The following FAM47E variants were observed in gnomAD, a reference collection of about 807,000 sequenced individuals.
FAM47E encodes the protein protein FAM47E.
FAM47E carries 32 observed loss-of-function variants against 41.6 expected under a neutral mutation model. That is an observed-to-expected ratio of 0.77 (90% CI 0.58 to 1.03). FAM47E has a LOEUF of 1.03. Ranked by LOEUF, FAM47E falls within the 50% of genes least tolerant of loss-of-function variation. FAM47E has a pLI of 0.00. For missense variants in FAM47E, 424 were observed against 485.4 expected, an observed-to-expected ratio of 0.87 and a Z score of 1.19; for synonymous variants, 184 against 188.7, an observed-to-expected ratio of 0.98 and a Z score of 0.20.
At chr4:76,247,933 G>C (rs866520419), upstream of FAM47E, among the ~76,000 whole-genome samples, 1 of 11,516 alleles carries the variant, frequency 8.7e-5, no homozygotes, top group Non-Finnish European at 2.6e-4. Flanking sequence ...TTTTTTTTTT[G>C]AGACAGAGTC....
At position 76,268,658 on chromosome 4, in the gene FAM47E, A is replaced by C. The variant is rs1560748829; in HGVS notation, c.561-2A>C. 6.5e-7 allele frequency: 1 copy of C among 1,549,594 alleles called. No individual in the cohort carries two copies. Among genetic ancestry groups the C allele is most frequent in the Non-Finnish European group, 8.7e-7 (1 of 1,146,490 alleles). ...GTAATTCTTTAATGATCTTATCTTT[A>C]GTTCCAAGAAGACGTCTGTGTCAAA... is the stretch of plus-strand genomic sequence containing the variant. On this transcript the variant is annotated splice_acceptor_variant, in intron 3 of 7. Coordinates refer to ENST00000424749, the MANE Select transcript of FAM47E (RefSeq NM_001136570.3). LOFTEE classifies it high-confidence loss of function.
chr4:76,256,726 C>T (rs1734210637), intron 2 of FAM47E, among the ~76,000 whole-genome samples: 1 of 152,220 alleles, frequency 6.6e-6, no homozygotes, highest in African/African-American at 2.4e-5. Flanking sequence ...GCAACATGCA[C>T]ACTGCTCTCT....
chr4:76,268,544 G>T (rs1488989532), intron 3 of FAM47E, 116 bp from the exon 4 acceptor site: 15 of 1,041,626 alleles, frequency 1.4e-5, no homozygotes, highest in Non-Finnish European at 2.1e-5. Flanking sequence ...ATGTGAGCTT[G>T]CAAGAGACTG....
intron 2 of FAM47E, among the ~76,000 whole-genome samples, chr4:76,219,613 G>A (rs1733272643): frequency 6.6e-6 from 1 of 152,150 alleles, no homozygotes; most frequent in African/African-American, 2.4e-5. Flanking sequence ...ATCTCTTTCT[G>A]AGGGGAGAAA....
rs763034618 is a variant in FAM47E, at chr4:76,263,866, C to T, written c.560+23C>T. 40 of 1,547,746 alleles carry T rather than the reference C, an allele frequency of 2.6e-5. 1 individual carries two copies. The highest frequency in any genetic ancestry group is 3.3e-4 in the Middle Eastern group (2 of 5,984). ...ACCGTGAGTATTGTTCTTAACCCTT[C>T]GATCATTGCTGTCACCTGATGAAAC... On this transcript the variant is annotated intron_variant, in intron 3 of 7. Transcript: ENST00000424749.
intron 2 of FAM47E, among the ~76,000 whole-genome samples, chr4:76,218,473 G>C (rs1296650807): frequency 6.6e-6 from 1 of 152,220 alleles, no homozygotes; most frequent in African/African-American, 2.4e-5. Context: ...GGGACTCTCT[G>C]TGAAGTTACC....
chr4:76,230,705 C>T (rs867499428), intron 2 of FAM47E, among the ~76,000 whole-genome samples: 3 of 152,088 alleles, frequency 2.0e-5, no homozygotes, highest in East Asian at 1.9e-4. Context: ...CGAGTCCAGG[C>T]GACCTTGGCA....
rs1285598950 is a variant in FAM47E at position 76,283,684 on chromosome 4, A to C, written c.*226A>C. ...TGTATACTTTATCACCCATGAGATCAATATTCACATGTAATCTTCTCATAT... is the reference window on the plus strand; with the variant it reads ...TGTATACTTTATCACCCATGAGATCCATATTCACATGTAATCTTCTCATAT... On this transcript the variant is annotated 3_prime_UTR_variant, in exon 8 of 8. Transcript: ENST00000424749. 1 of 414,162 alleles carries C rather than the reference A, an allele frequency of 2.4e-6. No homozygotes were observed. The highest frequency in any genetic ancestry group is 3.8e-5 in the East Asian group (1 of 26,086). The allele number at this position is 414,162 out of a possible 1,614,324, so 25.7% of individuals were successfully genotyped here. A position where few individuals can be genotyped will look rare whatever the true frequency, so the allele number is the denominator to read the frequency against.
chr4:76,249,679 A>G (rs181605794), upstream of FAM47E, among the ~76,000 whole-genome samples: 132 of 151,996 alleles, frequency 8.7e-4, no homozygotes, highest in African/African-American at 3.1e-3. Context: ...GTAGTCTTTT[A>G]TCTCTTGTCC....
intron 2 of FAM47E, among the ~76,000 whole-genome samples, chr4:76,231,258 A>T (rs1253990335): frequency 1.3e-5 from 2 of 152,180 alleles, no homozygotes; most frequent in Non-Finnish European, 2.9e-5. Flanking sequence ...TGTCCAAGTG[A>T]TGGGCATCCT....
upstream of FAM47E, chr4:76,251,684 G>A (rs377583296): frequency 7.2e-7 from 1 of 1,394,952 alleles, no homozygotes. Context: ...TCCTAGCAAC[G>A]GGGCGGCAGC....
At chr4:76,276,423 A>G (rs2110025473) in intron 5 of FAM47E, among the ~76,000 whole-genome samples, 1 of 151,554 alleles carries the variant, frequency 6.6e-6, no homozygotes, top group South Asian at 2.1e-4. Context: ...CCCAGGCTGG[A>G]GTGCAGTGGC....
At chr4:76,280,381 T>C in intron 7 of FAM47E, 40 bp downstream of exon 7, 1 of 1,181,150 alleles carries the variant, frequency 8.5e-7, no homozygotes. Flanking sequence ...GCTGAGGGGC[T>C]TCATGGCTCA....
At chr4:76,243,049 T>C (rs1733743803) in intron 2 of FAM47E, among the ~76,000 whole-genome samples, 1 of 152,206 alleles carries the variant, frequency 6.6e-6, no homozygotes, top group African/African-American at 2.4e-5. Context: ...GCATTAGTAA[T>C]GTACCCCAGA....
In FAM47E at chr4:76,251,769, T is replaced by G. The variant is rs1578770735; in HGVS notation, c.23T>G (p.Leu8Arg). MADRRRRLRPGTLAPVRE... is the reference protein window; with the variant it reads MADRRRRRRPGTLAPVRE... ...ACCATGGCGGACCGCAGGCGGCGGC[T>G]CCGGCCGGGGACGTTGGCCCCGGTG... is the stretch of plus-strand genomic sequence containing the variant. The change falls in exon 1 of 8, where the codon CTC (leucine) becomes CGC (arginine). Residue 8 changes from leucine to arginine, a missense_variant. Transcript: ENST00000424749. The G allele has an allele frequency of 1.3e-6, 2 of 1,487,920 alleles. No individual in the cohort carries two copies. The highest frequency in any genetic ancestry group is 5.6e-5 in the East Asian group (2 of 35,636). The allele number at this position is 1,487,920 out of a possible 1,614,324, so 92.2% of individuals were successfully genotyped here. A position where few individuals can be genotyped will look rare whatever the true frequency, so the allele number is the denominator to read the frequency against.
rs1312775956 is a variant in FAM47E, at chr4:76,214,257, C to T, written c.-197C>T. 8.8e-6 allele frequency: 4 copies of T among 455,572 alleles called. No homozygotes were observed. The Admixed American group carries it at 9.4e-5, about 11-fold the overall frequency. The allele number at this position is 455,572 out of a possible 1,614,324, so 28.2% of individuals were successfully genotyped here. ...AACACAATGTAGCAAGTGCTTCTAC[C>T]AGGTGCCTGCTGAGATCATGCCAGC... On this transcript the variant is annotated 5_prime_UTR_variant, in exon 1 of 8. Transcript: ENST00000510197.
At chr4:76,221,943 C>T (rs1733316515) in intron 2 of FAM47E, among the ~76,000 whole-genome samples, 1 of 152,214 alleles carries the variant, frequency 6.6e-6, no homozygotes, top group South Asian at 2.1e-4. Context: ...ATTCCTTAAT[C>T]TATGCCACAT....
chr4:76,229,270 G>A (rs978445223), intron 2 of FAM47E, among the ~76,000 whole-genome samples: 7 of 152,026 alleles, frequency 4.6e-5, no homozygotes, highest in African/African-American at 9.6e-5. Flanking sequence ...ATTTCTTTAC[G>A]TTGGTTTTCA....
At chr4:76,221,923 A>G (rs1483683002) in intron 2 of FAM47E, among the ~76,000 whole-genome samples, 1 of 152,210 alleles carries the variant, frequency 6.6e-6, no homozygotes, top group Non-Finnish European at 1.5e-5. Context: ...ATCAAAGGAA[A>G]AAAATGCGTA....
Sources: gnomAD v4.1 joint callset for allele counts (sites outside exome capture counted in the v4.1 genomes callset) on GRCh38, gnomAD v4.1.1 for gene constraint, MANE v1.5 for transcripts, NCBI Gene and HGNC (gene_info 2026-07-23, HGNC 2026-07-21) for gene names.